The following SYT1 variants were observed in gnomAD, a reference collection of about 807,000 sequenced individuals.
SYT1 encodes the protein synaptotagmin-1.
A neutral mutation model predicts 44.8 loss-of-function variants in SYT1; 8 were observed. That is an observed-to-expected ratio of 0.18 (90% confidence interval 0.10 to 0.32). The LOEUF (loss-of-function observed/expected upper bound fraction) is 0.32. SYT1 is among the 10% of genes least tolerant of loss of function. The pLI, the probability that SYT1 is intolerant of heterozygous loss-of-function variation, is 1.00. For missense variants in SYT1, 286 were observed against 509.3 expected (o/e 0.56, Z 4.22); for synonymous variants, 154 against 188.8 (o/e 0.82, Z 1.51).
intron 2 of SYT1, among the ~76,000 whole-genome samples, chr12:79,029,980 A>G (rs1276447203): frequency 6.6e-6 from 1 of 151,078 alleles, no homozygotes; most frequent in Non-Finnish European, 1.5e-5. Context: ...CATATAAACT[A>G]CATGAAATTT....
chr12:79,336,282 C>T (rs532038704), intron 8 of SYT1, among the ~76,000 whole-genome samples: 8 of 152,190 alleles, frequency 5.3e-5, no homozygotes, highest in African/African-American at 1.9e-4. Flanking sequence ...GAAGTAAGTC[C>T]ACAAAAAAAG....
intron 3 of SYT1, among the ~76,000 whole-genome samples, chr12:79,214,225 G>A (rs1038189516): frequency 6.6e-6 from 1 of 152,032 alleles, no homozygotes. Context: ...TATGCACTAA[G>A]TAAAAAGAAC....
At chr12:79,109,927 T>C (rs1376731665) in intron 3 of SYT1, among the ~76,000 whole-genome samples, 3 of 152,154 alleles carry the variant, frequency 2.0e-5, no homozygotes. Context: ...CCACTCTATA[T>C]TGCTACTGCC....
At chr12:79,362,319 C>T (rs773088577) in intron 9 of SYT1, among the ~76,000 whole-genome samples, 30 of 152,020 alleles carry the variant, frequency 2.0e-4, no homozygotes, top group Non-Finnish European at 3.5e-4. Flanking sequence ...AAAAGGAAAA[C>T]GTGACCCAAT....
chr12:79,122,058 GT>G (rs1200652288), intron 3 of SYT1, among the ~76,000 whole-genome samples: 1 of 152,162 alleles, frequency 6.6e-6, no homozygotes, highest in Non-Finnish European at 1.5e-5. Context: ...GATGTCTTCT[GT>G]TTATCATATT....
chr12:79,323,573 C>A (rs2138986967), intron 8 of SYT1, among the ~76,000 whole-genome samples: 1 of 152,204 alleles, frequency 6.6e-6, no homozygotes, highest in African/African-American at 2.4e-5. Flanking sequence ...AGAATTATGG[C>A]AAATAGAAAC....
At chr12:79,238,515 A>G (rs1210772021) in intron 4 of SYT1, among the ~76,000 whole-genome samples, 2 of 152,206 alleles carry the variant, frequency 1.3e-5, no homozygotes, top group Non-Finnish European at 2.9e-5. Flanking sequence ...AAGTGAGGAA[A>G]CAGAGTGAGA....
At chr12:79,362,482 A>G (rs892505376) in intron 9 of SYT1, among the ~76,000 whole-genome samples, 2 of 152,142 alleles carry the variant, frequency 1.3e-5, no homozygotes, top group Non-Finnish European at 2.9e-5. Flanking sequence ...AAAGGGAGGG[A>G]AAATCTCCTA....
chr12:78,956,421 G>A (rs1025304902), intron 1 of SYT1, among the ~76,000 whole-genome samples: 10 of 151,806 alleles, frequency 6.6e-5, no homozygotes, highest in African/African-American at 2.4e-4. Context: ...GGAAACAGTA[G>A]CATCTATTTC....
chr12:79,077,852 GC>G (rs1018828395), intron 3 of SYT1, among the ~76,000 whole-genome samples: 7 of 151,774 alleles, frequency 4.6e-5, no homozygotes, highest in Non-Finnish European at 1.0e-4. Context: ...GAAATACCAT[GC>G]CCTTTTTAAA....
chr12:79,298,227 G>C (rs1279404440), intron 7 of SYT1, among the ~76,000 whole-genome samples: 1 of 151,928 alleles, frequency 6.6e-6, no homozygotes, highest in Non-Finnish European at 1.5e-5. Flanking sequence ...AAAAAATTTT[G>C]TTTCTTTCTT....
At chr12:78,943,290 G>A (rs1878481742) in intron 1 of SYT1, among the ~76,000 whole-genome samples, 1 of 152,068 alleles carries the variant, frequency 6.6e-6, no homozygotes. Context: ...AGGTTCATGG[G>A]CCCGCAGGCT....
chr12:79,024,661 C>A (rs1872410906), intron 2 of SYT1, among the ~76,000 whole-genome samples: 1 of 151,776 alleles, frequency 6.6e-6, no homozygotes, highest in Non-Finnish European at 1.5e-5. Context: ...GACCCCTGCT[C>A]TCCCCTGGAA....
intron 2 of SYT1, among the ~76,000 whole-genome samples, chr12:79,026,674 TA>T (rs1872555587): frequency 8.4e-6 from 1 of 118,366 alleles, no homozygotes; most frequent in Non-Finnish European, 1.8e-5. Context: ...ATTTTATATA[TA>T]TATATATATA....
chr12:79,041,436 G>C (rs1426744870), intron 2 of SYT1, among the ~76,000 whole-genome samples: 2 of 150,986 alleles, frequency 1.3e-5, no homozygotes, highest in Non-Finnish European at 3.0e-5. Context: ...GTCTGTTGTT[G>C]GTGTATAAGA....
rs1876531024 is a variant in SYT1 at position 78,914,486 on chromosome 12, G to A, written c.-217+49377G>A. 1.9e-5 allele frequency among the ~76,000 whole-genome samples: 2 copies of A among 107,372 alleles called. 1 individual carries two copies. Among genetic ancestry groups the A allele is most frequent in the South Asian group, 5.4e-4 (2 of 3,670 alleles). 70.4% of individuals were successfully genotyped at this position (107,372 alleles called of 152,430 possible). The stretch of plus-strand genomic sequence containing the variant: ...CTATAACAGCAACAAATTATAATTT[G>A]TTTGTATTGATGCACATGTTAGATA... On this transcript the variant is annotated intron_variant, in intron 1 of 10. Transcript: ENST00000261205.
At chr12:79,444,580 A>G (rs1313495168) in intron 10 of SYT1, among the ~76,000 whole-genome samples, 1 of 152,178 alleles carries the variant, frequency 6.6e-6, no homozygotes, top group Non-Finnish European at 1.5e-5. Context: ...TTTAGAGCAA[A>G]AAATAGTGAT....
intron 1 of SYT1, chr12:78,868,842 C>A (rs1181035578): frequency 5.3e-5 from 8 of 151,462 alleles, no homozygotes; most frequent in Non-Finnish European, 1.0e-4. Context: ...TGGCTTTGGG[C>A]AGAAATGATT....
At chr12:79,073,301 G>T (rs945567910) in intron 3 of SYT1, among the ~76,000 whole-genome samples, 1 of 152,042 alleles carries the variant, frequency 6.6e-6, no homozygotes, top group Non-Finnish European at 1.5e-5. Context: ...TTTGTTGCTT[G>T]TCTGAAGTTC....
Sources: gnomAD v4.1 joint callset for allele counts (sites outside exome capture counted in the v4.1 genomes callset) on GRCh38, gnomAD v4.1.1 for gene constraint, MANE v1.5 for transcripts, NCBI Gene and HGNC (gene_info 2026-07-23, HGNC 2026-07-21) for gene names.